UBE4B: variants seen among roughly 807,000 people sequenced by gnomAD.
The protein encoded by UBE4B is ubiquitination factor E4B.
In UBE4B, 27 loss-of-function variants were observed where a neutral mutation model predicts 148.1. That is an observed-to-expected ratio of 0.18 (90% confidence interval 0.13 to 0.25). The LOEUF (loss-of-function observed/expected upper bound fraction) is 0.25. Ranked by LOEUF, UBE4B falls within the 10% of genes least tolerant of loss-of-function variation. UBE4B has a pLI of 1.00. For missense variants in UBE4B, 1,170 were observed against 1,662.4 expected, an observed-to-expected ratio of 0.70 and a Z score of 5.15; for synonymous variants, 596 against 619.3, an observed-to-expected ratio of 0.96 and a Z score of 0.56.
chr1:10,064,767 T>C (rs1366062931), intron 1 of UBE4B, among the ~76,000 whole-genome samples: 1 of 139,882 alleles, frequency 7.1e-6, no homozygotes, highest in African/African-American at 2.6e-5. Flanking sequence ...TATTCTGGAC[T>C]TTTTTTTTTT....
At chr1:10,043,513 G>A (rs960653706) in intron 1 of UBE4B, among the ~76,000 whole-genome samples, 3 of 135,814 alleles carry the variant, frequency 2.2e-5, no homozygotes, top group Admixed American at 8.6e-5. Context: ...TGCAAGCTCC[G>A]CCACCTGGGT....
intron 25 of UBE4B, among the ~76,000 whole-genome samples, chr1:10,173,614 G>A (rs1213107613): frequency 6.6e-6 from 1 of 152,158 alleles, no homozygotes; most frequent in African/African-American, 2.4e-5. Context: ...AAAGAAAAGG[G>A]AAGCACTTAC....
chr1:10,155,214 G>C (rs938253003), intron 21 of UBE4B, among the ~76,000 whole-genome samples: 1 of 152,036 alleles, frequency 6.6e-6, no homozygotes, highest in African/African-American at 2.4e-5. Flanking sequence ...AATTGGGTGG[G>C]GGTTGTTCTC....
chr1:10,178,929 C>A, intron 26 of UBE4B, 111 bp downstream of exon 26: 1 of 1,145,014 alleles, frequency 8.7e-7, no homozygotes, highest in Non-Finnish European at 1.2e-6. Flanking sequence ...GCTAGAGCTG[C>A]TTTTTGAGAC....
intron 25 of UBE4B, among the ~76,000 whole-genome samples, chr1:10,172,682 A>G (rs1227811583): frequency 6.6e-6 from 1 of 152,216 alleles, no homozygotes; most frequent in Non-Finnish European, 1.5e-5. Flanking sequence ...ATATTACAAT[A>G]GAAGCATTGT....
chr1:10,175,837 G>A (rs747636753), intron 25 of UBE4B, among the ~76,000 whole-genome samples: 2 of 151,974 alleles, frequency 1.3e-5, no homozygotes, highest in African/African-American at 4.8e-5. Flanking sequence ...CTTTAATGAG[G>A]TAAGATTAAT....
At position 10,179,448 on chromosome 1, in the gene UBE4B, G is replaced by A. The variant is rs765118779; in HGVS notation, c.3733G>A (p.Val1245Met). The change falls in exon 27 of 28, where the codon GTG becomes ATG. Residue 1245 changes from valine to methionine, a missense_variant. By Grantham distance (21) the Val-to-Met change is conservative. Around this residue, in one of 6 missense-constraint regions of UBE4B, gnomAD observed 348 missense variants for 627.2 expected, o/e 0.55. Coordinates refer to ENST00000343090, the MANE Select transcript of UBE4B (RefSeq NM_001105562.3). ...PLMDTLMTDP[V>M]RLPSGTIMDR... is the part of the protein sequence containing the mutation. ...GATGGACACCCTCATGACAGACCCC[G>A]TGCGGCTGCCCTCTGGCACCATCAT... The A allele has an allele frequency of 3.1e-6, 5 of 1,613,790 alleles. No individual in the cohort carries two copies. Among genetic ancestry groups the A allele is most frequent in the African/African-American group, 1.3e-5 (1 of 74,864 alleles).
rs1553154002 is a variant in UBE4B, at chr1:10,161,999, C to CTTTTCTTTTTTTTTTTTTTTTTTTTTT, written c.3198+717_3198+718insCTTTTTTTTTTTTTTTTTTTTTTTTTT. 7.3e-6 allele frequency among the ~76,000 whole-genome samples: 1 copy of CTTTTCTTTTTTTTTTTTTTTTTTTTTT among 137,256 alleles called. No homozygotes were observed. The highest frequency in any genetic ancestry group is 1.6e-5 in the Non-Finnish European group (1 of 62,928). 90.0% of individuals were successfully genotyped at this position (137,256 alleles called of 152,430 possible). A position where few individuals can be genotyped will look rare whatever the true frequency, so the allele number is the denominator to read the frequency against. ...GGGGACTGCTTTTTCTTCACTTTTT[C>CTTTTCTTTTTTTTTTTTTTTTTTTTTT]TTTTTTTTTTTTTTTTGAGACGGAG... is the stretch of plus-strand genomic sequence containing the variant. On this transcript the variant is annotated intron_variant, in intron 23 of 27. Coordinates refer to ENST00000343090, the MANE Select transcript of UBE4B (RefSeq NM_001105562.3). This position sits in a 1 kb window ranked among gnomAD's most constrained non-coding sequence, Gnocchi z 4.1.
At chr1:10,058,211 G>T (rs1042913524) in intron 1 of UBE4B, among the ~76,000 whole-genome samples, 5 of 152,186 alleles carry the variant, frequency 3.3e-5, no homozygotes, top group African/African-American at 1.2e-4. Context: ...CTTTGGAGAA[G>T]AAATGTGGTT....
chr1:10,078,534 T>C (rs1181918625), intron 2 of UBE4B, among the ~76,000 whole-genome samples: 1 of 152,228 alleles, frequency 6.6e-6, no homozygotes, highest in Admixed American at 6.5e-5. Context: ...TTAGATGATT[T>C]GTGATTGCTT....
At chr1:10,172,474 T>A (rs563396191) in intron 25 of UBE4B, among the ~76,000 whole-genome samples, 4 of 152,270 alleles carry the variant, frequency 2.6e-5, no homozygotes, top group African/African-American at 9.6e-5. Context: ...AGAGGCATGA[T>A]CCATGTCCAG....
chr1:10,046,497 T>A (rs1361941171), intron 1 of UBE4B, among the ~76,000 whole-genome samples: 3 of 151,594 alleles, frequency 2.0e-5, no homozygotes, highest in Non-Finnish European at 4.4e-5. Context: ...GAATGGGGAG[T>A]AATACTCTGC....
chr1:10,038,212 G>A (rs1379488405), intron 1 of UBE4B, among the ~76,000 whole-genome samples: 3 of 150,182 alleles, frequency 2.0e-5, no homozygotes, highest in African/African-American at 7.4e-5. Context: ...CCCGGGAGGC[G>A]GAGGTTGCAG....
chr1:10,084,661 C>T (rs1335094361), intron 2 of UBE4B, among the ~76,000 whole-genome samples: 5 of 151,824 alleles, frequency 3.3e-5, no homozygotes, highest in Admixed American at 6.6e-5. Flanking sequence ...TTCGCCATCT[C>T]CCTTTAGTTT....
intron 19 of UBE4B, among the ~76,000 whole-genome samples, 198 bp from the exon 20 acceptor site, chr1:10,148,986 A>G (rs1645927459): frequency 6.6e-6 from 1 of 152,014 alleles, no homozygotes; most frequent in East Asian, 1.9e-4. Context: ...TTTCACACAT[A>G]CCCTTGCATA....
intron 7 of UBE4B, among the ~76,000 whole-genome samples, chr1:10,114,399 CG>C (rs1645272898): frequency 6.6e-6 from 1 of 152,044 alleles, no homozygotes; most frequent in Non-Finnish European, 1.5e-5. Flanking sequence ...TTTTTCCTTT[CG>C]GGGGGTTCCC....
chr1:10,038,658 G>A (rs1258791957), intron 1 of UBE4B, among the ~76,000 whole-genome samples: 5 of 152,084 alleles, frequency 3.3e-5, no homozygotes, highest in Admixed American at 6.6e-5. Context: ...AACATCCTAC[G>A]TAACACTGAC....
chr1:10,041,167 T>G (rs1643747026), intron 1 of UBE4B, among the ~76,000 whole-genome samples: 1 of 151,956 alleles, frequency 6.6e-6, no homozygotes, highest in South Asian at 2.1e-4. Flanking sequence ...ATCCCCTGTT[T>G]TACAGATAAG....
chr1:10,042,086 C>A (rs1292798788), intron 1 of UBE4B, among the ~76,000 whole-genome samples: 1 of 152,174 alleles, frequency 6.6e-6, no homozygotes, highest in African/African-American at 2.4e-5. Flanking sequence ...AGGCGCCCGC[C>A]GCCAGGCCCA....
Sources: allele counts gnomAD v4.1 joint callset (sites outside exome capture counted in the v4.1 genomes callset), GRCh38; gene constraint gnomAD v4.1.1; regional missense constraint gnomAD v4.1.1; non-coding constraint Gnocchi (gnomAD v3.1); transcripts MANE v1.5; gene names NCBI Gene and HGNC (gene_info 2026-07-23, HGNC 2026-07-21).